The following ATF7IP variants were observed in gnomAD, a reference collection of about 807,000 sequenced individuals.
ATF7IP encodes the protein activating transcription factor 7 interacting protein.
In ATF7IP, 23 loss-of-function variants were observed where a neutral mutation model predicts 106.4. The ratio of observed to expected loss-of-function variants is 0.22; its 90% CI spans 0.16 to 0.31. The LOEUF is 0.31. Among genes scored for constraint, ATF7IP ranks in the 10% least tolerant of loss-of-function variants. The probability of loss-of-function intolerance (pLI) is 1.00; values close to 1 mark genes in which losing one functional copy is unlikely to be tolerated. For synonymous variants in ATF7IP, 542 were observed against 539.0 expected, an observed-to-expected ratio of 1.01 and a Z score of -0.08; for missense variants, 1,334 against 1,524.3, an observed-to-expected ratio of 0.88 and a Z score of 2.08.
chr12:14,488,026 A>G (rs1944683429), intron 13 of ATF7IP, among the ~76,000 whole-genome samples: 1 of 152,140 alleles, frequency 6.6e-6, no homozygotes, highest in South Asian at 2.1e-4. Context: ...TACTAGAAGT[A>G]GAGTCCTTAG....
At chr12:14,461,601 C>G (rs577302559) in intron 9 of ATF7IP, among the ~76,000 whole-genome samples, 2 of 152,250 alleles carry the variant, frequency 1.3e-5, no homozygotes, top group Admixed American at 1.3e-4. Flanking sequence ...GTTTTTCTTT[C>G]ACATTTGCTA....
intron 1 of ATF7IP, among the ~76,000 whole-genome samples, chr12:14,418,491 T>C (rs1329902552): frequency 6.6e-6 from 1 of 152,182 alleles, no homozygotes; most frequent in Non-Finnish European, 1.5e-5. Context: ...GTTTTATGAA[T>C]GGCATCTTAG....
chr12:14,496,378 A>T (rs1198938983), intron 14 of ATF7IP, 35 bp downstream of exon 14: 15 of 1,349,912 alleles, frequency 1.1e-5, no homozygotes, highest in Non-Finnish European at 1.5e-5. Context: ...AAAATTCTCA[A>T]CTGTAGAGGT....
intron 12 of ATF7IP, 125 bp downstream of exon 12, chr12:14,478,597 C>T (rs546077812): frequency 5.9e-5 from 64 of 1,093,536 alleles, no homozygotes; most frequent in Admixed American, 3.4e-4. Context: ...GACTACAGTG[C>T]ATGTCCTTTT....
At chr12:14,446,013 C>CT (rs971500617) in intron 5 of ATF7IP, among the ~76,000 whole-genome samples, 11 of 151,876 alleles carry the variant, frequency 7.2e-5, no homozygotes, top group East Asian at 1.9e-4. Context: ...TTTTGTTCTG[C>CT]TTTTTTTTCC....
At chr12:14,497,449 AAT>A (rs1195014666) in intron 14 of ATF7IP, among the ~76,000 whole-genome samples, 1 of 152,212 alleles carries the variant, frequency 6.6e-6, no homozygotes, top group Non-Finnish European at 1.5e-5. Flanking sequence ...GTATAGTAGG[AAT>A]AACCTCAGCA....
intron 13 of ATF7IP, among the ~76,000 whole-genome samples, chr12:14,484,656 C>T (rs150679501): frequency 1.3e-5 from 2 of 152,154 alleles, no homozygotes; most frequent in South Asian, 2.1e-4. Context: ...TCATCTGTTC[C>T]GCTGTCAAGT....
chr12:14,433,668 C>A (rs1413551302), intron 2 of ATF7IP, among the ~76,000 whole-genome samples: 1 of 149,894 alleles, frequency 6.7e-6, no homozygotes, highest in African/African-American at 2.5e-5. Flanking sequence ...GAAACTCAGT[C>A]TCAAAAAAAA....
At chr12:14,449,974 C>T (rs1299523209) in intron 6 of ATF7IP, among the ~76,000 whole-genome samples, 1 of 151,546 alleles carries the variant, frequency 6.6e-6, no homozygotes, top group African/African-American at 2.4e-5. Flanking sequence ...TTGTTCATTT[C>T]TTTTTTATAT....
At chr12:14,384,872 T>TAAA (rs34249435) in intron 1 of ATF7IP, among the ~76,000 whole-genome samples, 20 of 135,544 alleles carry the variant, frequency 1.5e-4, no homozygotes, top group South Asian at 4.6e-4. Flanking sequence ...CTATAAAAGG[T>TAAA]AAAAAAAAAA....
intron 13 of ATF7IP, among the ~76,000 whole-genome samples, chr12:14,487,794 C>A (rs990625264): frequency 6.6e-6 from 1 of 152,138 alleles, no homozygotes. Flanking sequence ...GAGACAGAAT[C>A]CCTGAGTTCA....
chr12:14,446,970 CT>C lies in ATF7IP; in HGVS notation c.1930-4del, dbSNP rs5796595. ...CTATTTGATTTCCATTCATTTTTGT[CT>C]TTTTTTTTTTTTTCAGGCCAAGATA... is the stretch of plus-strand genomic sequence containing the variant. On this transcript the variant is annotated splice_polypyrimidine_tract_variant and intron_variant, in intron 5 of 14. Coordinates refer to ENST00000261168, the MANE Select transcript of ATF7IP (RefSeq NM_018179.5). 13,967 of 1,187,456 alleles carry C rather than the reference CT, an allele frequency of 0.012. No individual in the cohort carries two copies. The highest frequency in any genetic ancestry group is 0.02 in the South Asian group (1,039 of 53,276). 73.6% of individuals were successfully genotyped at this position (1,187,456 alleles called of 1,614,324 possible). A position where few individuals can be genotyped will look rare whatever the true frequency, so the allele number is the denominator to read the frequency against.
chr12:14,378,778 C>T (rs1234725709), intron 1 of ATF7IP, among the ~76,000 whole-genome samples: 1 of 152,170 alleles, frequency 6.6e-6, no homozygotes, highest in Non-Finnish European at 1.5e-5. Context: ...ATGATGTCAA[C>T]TTTATACCAG....
chr12:14,486,951 C>A (rs372108037), intron 13 of ATF7IP, among the ~76,000 whole-genome samples: 1 of 152,154 alleles, frequency 6.6e-6, no homozygotes, highest in African/African-American at 2.4e-5. Flanking sequence ...CTGGACCCTC[C>A]CAGCTGGGAT....
chr12:14,398,456 A>G (rs1438090090), intron 1 of ATF7IP, among the ~76,000 whole-genome samples: 1 of 144,340 alleles, frequency 6.9e-6, no homozygotes, highest in African/African-American at 2.6e-5. Flanking sequence ...CATTATGACT[A>G]CAGAATATAG....
chr12:14,376,481 G>A (rs897041821), intron 1 of ATF7IP, among the ~76,000 whole-genome samples: 1 of 152,202 alleles, frequency 6.6e-6, no homozygotes, highest in Non-Finnish European at 1.5e-5. Context: ...CCTATTGTGT[G>A]CTTAACAAAA....
Position 14,424,917 on chromosome 12 carries a change from A to C in ATF7IP, c.1002A>C (p.Ser334=). 1.2e-6 allele frequency: 2 copies of C among 1,605,628 alleles called. No individual in the cohort carries two copies. The highest frequency in any genetic ancestry group is 1.7e-6 in the Non-Finnish European group (2 of 1,177,968). The part of the protein sequence containing the change: ...EKLEQIQSKD[S]LDEKNKADNN... ...TAGAGCAAATTCAGAGTAAAGACTC[A>C]TTGGATGAGAAAAATAAAGCTGATA... is the stretch of plus-strand genomic sequence containing the variant. The change falls in exon 2 of 15, where the codon TCA becomes TCC. Residue 334 remains serine, a synonymous_variant. Coordinates refer to ENST00000261168, the MANE Select transcript of ATF7IP (RefSeq NM_018179.5).
chr12:14,457,324 A>G (rs2136706809), intron 8 of ATF7IP, 29 bp downstream of exon 8: 1 of 1,468,538 alleles, frequency 6.8e-7, no homozygotes, highest in South Asian at 1.2e-5. Context: ...ACCAAAATAC[A>G]TTTTCTTAGG....
chr12:14,386,691 T>C (rs1307461568), intron 1 of ATF7IP, among the ~76,000 whole-genome samples: 1 of 152,166 alleles, frequency 6.6e-6, no homozygotes, highest in Non-Finnish European at 1.5e-5. Flanking sequence ...GTGTATTTAA[T>C]AAAATGACAA....
Sources: gnomAD v4.1 joint callset for allele counts (sites outside exome capture counted in the v4.1 genomes callset) on GRCh38, gnomAD v4.1.1 for gene constraint, MANE v1.5 for transcripts, NCBI Gene and HGNC (gene_info 2026-07-23, HGNC 2026-07-21) for gene names.